SPMIP3: variants seen among roughly 807,000 people sequenced by gnomAD.
SPMIP3 encodes the protein sperm microtubule inner protein 3.
chr1:244,375,458 G>C, the SPMIP3 span: 5 of 1,613,498 alleles, frequency 3.1e-6, no homozygotes, highest in Non-Finnish European at 3.4e-6. Flanking sequence ...AGTGCAAAGA[G>C]AGCTCCCAGG....
At chr1:244,374,343 G>C in the SPMIP3 span, among the ~76,000 whole-genome samples, 1 of 151,778 alleles carries the variant, frequency 6.6e-6, no homozygotes, top group African/African-American at 2.4e-5. Flanking sequence ...CTCTAGACAG[G>C]GCTCGAGTCC....
the SPMIP3 span, among the ~76,000 whole-genome samples, chr1:244,367,942 G>T: frequency 6.6e-6 from 1 of 151,926 alleles, no homozygotes; most frequent in African/African-American, 2.4e-5. Flanking sequence ...AAAGGTTTTT[G>T]GTTTTTTGTT....
the SPMIP3 span, among the ~76,000 whole-genome samples, chr1:244,368,997 A>C: frequency 6.6e-6 from 1 of 152,178 alleles, no homozygotes; most frequent in Admixed American, 6.5e-5. Flanking sequence ...GTCTCTACTA[A>C]AAATACAAAA....
At chr1:244,362,472 T>C in the SPMIP3 span, among the ~76,000 whole-genome samples, 2 of 152,210 alleles carry the variant, frequency 1.3e-5, no homozygotes, top group Non-Finnish European at 2.9e-5. Context: ...GGGAGGCTAA[T>C]AGGAGTTAAT....
the SPMIP3 span, among the ~76,000 whole-genome samples, chr1:244,369,090 G>A: frequency 2.0e-5 from 3 of 152,142 alleles, no homozygotes; most frequent in Non-Finnish European, 4.4e-5. Context: ...ACCTGGGAAG[G>A]CAGAGGTGGC....
At chr1:244,380,855 G>T in the SPMIP3 span, among the ~76,000 whole-genome samples, 1 of 152,042 alleles carries the variant, frequency 6.6e-6, no homozygotes, top group Non-Finnish European at 1.5e-5. Context: ...TCTTGGGGGA[G>T]TTGAGCCAGG....
At chr1:244,386,749 G>C in the SPMIP3 span, among the ~76,000 whole-genome samples, 1 of 152,194 alleles carries the variant, frequency 6.6e-6, no homozygotes, top group East Asian at 1.9e-4. Flanking sequence ...CCTTGGGTTA[G>C]TGAAATGTTA....
the SPMIP3 span, chr1:244,378,594 G>A: frequency 1.5e-5 from 24 of 1,614,032 alleles, no homozygotes; most frequent in African/African-American, 2.7e-4. Flanking sequence ...ATGGTATAAA[G>A]AAACCACTTA....
chr1:244,382,315 C>T, the SPMIP3 span, among the ~76,000 whole-genome samples: 6 of 151,628 alleles, frequency 4.0e-5, no homozygotes, highest in Non-Finnish European at 7.4e-5. Context: ...TAGGGCAGTC[C>T]GGGAAAATGT....
the SPMIP3 span, among the ~76,000 whole-genome samples, chr1:244,380,117 G>GTTTTTTT: frequency 1.5e-4 from 20 of 132,232 alleles, no homozygotes; most frequent in East Asian, 1.2e-3. Flanking sequence ...CATTCACAGA[G>GTTTTTTT]TTTTTCTTTT....
At chr1:244,378,645 T>G in the SPMIP3 span, 7 of 1,610,640 alleles carry the variant, frequency 4.3e-6, no homozygotes, top group Non-Finnish European at 5.9e-6. Flanking sequence ...GATTGGTAAG[T>G]CAGGCCAACT....
the SPMIP3 span, among the ~76,000 whole-genome samples, chr1:244,367,370 G>A: frequency 6.6e-6 from 1 of 152,200 alleles, no homozygotes; most frequent in African/African-American, 2.4e-5. Context: ...GGTTATTGCA[G>A]AGAGCAGGGG....
the SPMIP3 span, among the ~76,000 whole-genome samples, chr1:244,373,902 C>T: frequency 1.0e-3 from 159 of 151,984 alleles, no homozygotes; most frequent in Admixed American, 3.9e-3. Flanking sequence ...TCACTTGAGG[C>T]CAGGAGTTTG....
the SPMIP3 span, among the ~76,000 whole-genome samples, chr1:244,380,846 C>T: frequency 6.6e-6 from 1 of 151,736 alleles, no homozygotes; most frequent in African/African-American, 2.4e-5. Flanking sequence ...AGAGGTGGAT[C>T]TTGGGGGAGT....
At chr1:244,362,526 A>T in the SPMIP3 span, among the ~76,000 whole-genome samples, 1 of 152,128 alleles carries the variant, frequency 6.6e-6, no homozygotes, top group African/African-American at 2.4e-5. Flanking sequence ...ATAGGAACTC[A>T]CATTTCTCCT....
At chr1:244,356,277 C>G in the SPMIP3 span, among the ~76,000 whole-genome samples, 2 of 152,116 alleles carry the variant, frequency 1.3e-5, no homozygotes, top group Non-Finnish European at 2.9e-5. Flanking sequence ...TGTAAATGTT[C>G]GCTATCAGAT....
the SPMIP3 span, chr1:244,388,827 GCATT>G: frequency 4.6e-6 from 3 of 652,242 alleles, no homozygotes; most frequent in South Asian, 2.2e-5. Context: ...CATTTTAAAT[GCATT>G]CATTTGTCTT....
the SPMIP3 span, chr1:244,378,414 T>C: frequency 4.1e-5 from 63 of 1,520,182 alleles, no homozygotes; most frequent in Middle Eastern, 2.4e-3. Flanking sequence ...GACGAGAAAA[T>C]GGACTGCTTT....
At chr1:244,364,297 G>T in the SPMIP3 span, among the ~76,000 whole-genome samples, 1 of 151,884 alleles carries the variant, frequency 6.6e-6, no homozygotes, top group Non-Finnish European at 1.5e-5. Context: ...AGTAAAGACG[G>T]GGTTTCACCG....
Sources: allele counts gnomAD v4.1 joint callset (sites outside exome capture counted in the v4.1 genomes callset), GRCh38; gene constraint gnomAD v4.1.1; transcripts MANE v1.5; gene names NCBI Gene and HGNC (gene_info 2026-07-23, HGNC 2026-07-21).